ANKRD30BL: variants seen among roughly 807,000 people sequenced by gnomAD.
The protein encoded by ANKRD30BL is ankyrin repeat domain 30B like.
Under a neutral mutation model 18.4 loss-of-function variants are expected in ANKRD30BL, and 20 were observed. The ratio of observed to expected loss-of-function variants is 1.09; its 90% CI spans 0.77 to 1.58. The LOEUF is 1.58. Ranked by LOEUF, ANKRD30BL falls within the 40% of genes most tolerant of loss-of-function variation. ANKRD30BL has a pLI of 0.00. For missense variants in ANKRD30BL, 224 were observed against 268.6 expected (o/e 0.83, Z 1.16); for synonymous variants, 72 against 100.9 (o/e 0.71, Z 1.72).
chr2:132,210,984 A>C (rs184116199), intron 1 of ANKRD30BL, among the ~76,000 whole-genome samples: 1 of 144,566 alleles, frequency 6.9e-6, no homozygotes, highest in African/African-American at 2.6e-5. Context: ...GTTTTGAAAC[A>C]CTCTTTTTGT....
At chr2:132,231,654 G>A (rs1385117524) in intron 1 of ANKRD30BL, among the ~76,000 whole-genome samples, 3 of 152,144 alleles carry the variant, frequency 2.0e-5, no homozygotes, top group South Asian at 2.1e-4. Flanking sequence ...GGCACACCAC[G>A]AGATTATATC....
chr2:132,158,518 A>T (rs1200977536), intron 1 of ANKRD30BL, among the ~76,000 whole-genome samples: 7 of 151,944 alleles, frequency 4.6e-5, no homozygotes, highest in Non-Finnish European at 1.0e-4. Context: ...ATTGAGATTC[A>T]TTCCTAGTAC....
chr2:132,223,076 C>A (rs1359160642), intron 1 of ANKRD30BL, among the ~76,000 whole-genome samples: 1 of 151,252 alleles, frequency 6.6e-6, no homozygotes, highest in Admixed American at 6.6e-5. Flanking sequence ...GATATTTGGA[C>A]CGCTTTGAGG....
At chr2:132,229,486 T>C (rs80055527) in intron 1 of ANKRD30BL, among the ~76,000 whole-genome samples, 1 of 152,110 alleles carries the variant, frequency 6.6e-6, no homozygotes, top group South Asian at 2.1e-4. Context: ...TCTCAGAAAC[T>C]TCTTTGTGAT....
At chr2:132,173,960 C>T (rs1474379696) in intron 1 of ANKRD30BL, among the ~76,000 whole-genome samples, 1 of 152,192 alleles carries the variant, frequency 6.6e-6, no homozygotes, top group Non-Finnish European at 1.5e-5. Context: ...TGGGTCAGAA[C>T]TGTACATAGA....
intron 1 of ANKRD30BL, among the ~76,000 whole-genome samples, chr2:132,190,807 T>A (rs1289450239): frequency 6.6e-6 from 1 of 152,196 alleles, no homozygotes; most frequent in Admixed American, 6.5e-5. Context: ...GTTTCAGACA[T>A]TTCCCCTAAA....
chr2:132,210,173 G>A lies in ANKRD30BL; in HGVS notation n.441+47356C>T, dbSNP rs547226155. ...CAAGTGGATATTTGGAGCGCTTTGC[G>A]GCCTATAGTGGAAACGGAAATATCT... On this transcript the variant is annotated intron_variant and non_coding_transcript_variant, in intron 1 of 4. Transcript: ENST00000470729. 8.0e-3 allele frequency among the ~76,000 whole-genome samples: 1,214 copies of A among 151,516 alleles called. 10 individuals carry two copies. The highest frequency in any genetic ancestry group is 0.027 in the African/African-American group (1,128 of 41,250).
intron 4 of ANKRD30BL, among the ~76,000 whole-genome samples, chr2:132,154,142 T>A (rs1028360723): frequency 2.0e-5 from 3 of 152,118 alleles, no homozygotes; most frequent in Non-Finnish European, 4.4e-5. Flanking sequence ...ATTTTTATAT[T>A]TTTCATTGAG....
At chr2:132,232,840 C>A (rs1291581845) in intron 1 of ANKRD30BL, among the ~76,000 whole-genome samples, 1 of 151,926 alleles carries the variant, frequency 6.6e-6, no homozygotes, top group African/African-American at 2.4e-5. Context: ...GAGAATGCCA[C>A]AAAGATACTC....
intron 1 of ANKRD30BL, among the ~76,000 whole-genome samples, chr2:132,243,564 G>A (rs758377895): frequency 1.2e-3 from 181 of 150,758 alleles, no homozygotes; most frequent in Non-Finnish European, 2.2e-3. Context: ...CAGGAATATC[G>A]TCTCATACAA....
chr2:132,251,548 G>A (rs1680649393), intron 1 of ANKRD30BL, among the ~76,000 whole-genome samples: 1 of 152,034 alleles, frequency 6.6e-6, no homozygotes, highest in South Asian at 2.1e-4. Context: ...TTATATAAAT[G>A]TAATTATACA....
intron 1 of ANKRD30BL, among the ~76,000 whole-genome samples, chr2:132,224,378 C>T (rs980481437): frequency 1.8e-4 from 28 of 152,078 alleles, no homozygotes; most frequent in African/African-American, 5.1e-4. Flanking sequence ...CAGAGTTGAA[C>T]ATACCATTTC....
chr2:132,234,025 A>C (rs1680087266), intron 1 of ANKRD30BL, among the ~76,000 whole-genome samples: 1 of 152,148 alleles, frequency 6.6e-6, no homozygotes, highest in South Asian at 2.1e-4. Context: ...ACTCAGGATT[A>C]AGAATCTCAC....
At chr2:132,183,764 C>T (rs1331744352) in intron 1 of ANKRD30BL, among the ~76,000 whole-genome samples, 1 of 151,922 alleles carries the variant, frequency 6.6e-6, no homozygotes, top group African/African-American at 2.4e-5. Flanking sequence ...TGTATATGTG[C>T]ATATACATGC....
At chr2:132,214,346 C>G (rs1346164534) in intron 1 of ANKRD30BL, among the ~76,000 whole-genome samples, 1 of 151,946 alleles carries the variant, frequency 6.6e-6, no homozygotes, top group Non-Finnish European at 1.5e-5. Context: ...AAAAACTAGA[C>G]AGAGGCATTC....
upstream of ANKRD30BL, among the ~76,000 whole-genome samples, chr2:132,163,499 T>C (rs1285546160): frequency 3.3e-5 from 5 of 152,160 alleles, no homozygotes; most frequent in Admixed American, 3.3e-4. Flanking sequence ...TGTTTGATTG[T>C]TTGTGCCGCT....
intron 1 of ANKRD30BL, among the ~76,000 whole-genome samples, chr2:132,209,704 G>A (rs1477012403): frequency 6.6e-6 from 1 of 152,028 alleles, no homozygotes; most frequent in African/African-American, 2.4e-5. Flanking sequence ...AAACTACACA[G>A]AAGCGTTCTG....
intron 1 of ANKRD30BL, among the ~76,000 whole-genome samples, chr2:132,221,852 C>A (rs1384891948): frequency 2.2e-4 from 24 of 108,286 alleles, no homozygotes; most frequent in East Asian, 5.6e-4. Context: ...CCAGCCGCCC[C>A]GTCCGGGAGG....
chr2:132,185,328 T>A (rs1688544475), intron 1 of ANKRD30BL, among the ~76,000 whole-genome samples: 1 of 152,188 alleles, frequency 6.6e-6, no homozygotes, highest in African/African-American at 2.4e-5. Context: ...AAGAAGGCAG[T>A]CCCTACCTGA....
Sources: gnomAD v4.1 joint callset for allele counts (sites outside exome capture counted in the v4.1 genomes callset) on GRCh38, gnomAD v4.1.1 for gene constraint, MANE v1.5 for transcripts, NCBI Gene and HGNC (gene_info 2026-07-23, HGNC 2026-07-21) for gene names.